PAPPA2: variants seen among roughly 807,000 people sequenced by gnomAD.
PAPPA2 encodes the protein pappalysin 2.
PAPPA2 carries 86 observed loss-of-function variants against 176.4 expected under a neutral mutation model. That is an observed-to-expected ratio of 0.49 (90% CI 0.41 to 0.58). The LOEUF is 0.58. PAPPA2 is among the 20% of genes least tolerant of loss of function. The pLI, the probability that PAPPA2 is intolerant of heterozygous loss-of-function variation, is 0.00. For synonymous variants in PAPPA2, 809 were observed against 852.2 expected (o/e 0.95, Z 0.88); for missense variants, 2,073 against 2,256.9 (o/e 0.92, Z 1.65).
chr1:176,525,831 A>T, intron 1 of PAPPA2, among the ~76,000 whole-genome samples: 1 of 152,172 alleles, frequency 6.6e-6, no homozygotes, highest in East Asian at 1.9e-4. Context: ...TTCCACTAAC[A>T]GTGTATTTCT....
chr1:176,789,066 G>A (rs1665062573), intron 17 of PAPPA2, among the ~76,000 whole-genome samples: 1 of 152,118 alleles, frequency 6.6e-6, no homozygotes, highest in African/African-American at 2.4e-5. Context: ...TTAGATGTGA[G>A]TCTTTTCCAA....
intron 3 of PAPPA2, among the ~76,000 whole-genome samples, chr1:176,667,519 A>G (rs1384391313): frequency 6.6e-6 from 1 of 152,100 alleles, no homozygotes; most frequent in Non-Finnish European, 1.5e-5. Flanking sequence ...CAACCTGGAG[A>G]ATGCTAGTTG....
At chr1:176,739,826 T>A in intron 13 of PAPPA2, 65 bp downstream of exon 13, 1 of 1,591,522 alleles carries the variant, frequency 6.3e-7, no homozygotes, top group Non-Finnish European at 8.6e-7. Flanking sequence ...GAAGTCAGCT[T>A]GATGTCTGTC....
At chr1:176,605,764 T>C (rs1388238563) in intron 3 of PAPPA2, among the ~76,000 whole-genome samples, 1 of 152,212 alleles carries the variant, frequency 6.6e-6, no homozygotes, top group African/African-American at 2.4e-5. Flanking sequence ...AAGAGCAGGA[T>C]AGCTGGAGGG....
intron 22 of PAPPA2, among the ~76,000 whole-genome samples, 163 bp from the exon 23 acceptor site, chr1:176,842,217 A>G (rs768487201): frequency 5.3e-5 from 8 of 152,204 alleles, no homozygotes; most frequent in Non-Finnish European, 1.5e-5. Context: ...CTACATGGTG[A>G]CATGATGTGT....
rs1236613939 is a variant in PAPPA2, at chr1:176,816,227, A to ATG, written c.5202+16109_5202+16110dup. Among the ~76,000 whole-genome samples the ATG allele has an allele frequency of 1.4e-3, 80 of 56,526 alleles. 1 individual carries two copies. Among genetic ancestry groups the ATG allele is most frequent in the African/African-American group, 4.9e-3 (51 of 10,506 alleles). 37.1% of individuals were successfully genotyped at this position (56,526 alleles called of 152,430 possible). A position where few individuals can be genotyped will look rare whatever the true frequency, so the allele number is the denominator to read the frequency against. On this transcript the variant is annotated intron_variant, in intron 21 of 22. Transcript: ENST00000367662. Reference sequence around the variant, plus strand: ...ACATACACACACATATATAAAATTTATGTGTGTGTGTGTGTATATATATAT... The same window carrying ATG: ...ACATACACACACATATATAAAATTTATGTGTGTGTGTGTGTGTATATATATAT...
At chr1:176,739,796 A>G in intron 13 of PAPPA2, 35 bp downstream of exon 13, 6 of 1,609,224 alleles carry the variant, frequency 3.7e-6, no homozygotes, top group Non-Finnish European at 5.1e-6. Flanking sequence ...GGGTCACTAG[A>G]GGACAACCCG....
chr1:176,740,116 A>G lies in PAPPA2; in HGVS notation c.4071A>G (p.Leu1357=). Reference sequence around the variant, plus strand: ...GGGTCGGCATCTCAGCTGTGGCTCTAAGGACATCCTCCCGCATTGGTCTTT... The same window carrying G: ...GGGTCGGCATCTCAGCTGTGGCTCTGAGGACATCCTCCCGCATTGGTCTTT... ...SPRVGISAVA[L]RTSSRIGLSA... is the part of the protein sequence containing the mutation. Residue 1357 remains leucine (L), a synonymous_variant, in exon 14 of 23, where the codon CTA becomes CTG. Coordinates refer to ENST00000367662, the MANE Select transcript of PAPPA2 (RefSeq NM_020318.3). 2 of 1,613,848 alleles carry G rather than the reference A, an allele frequency of 1.2e-6. No individual in the cohort carries two copies. Among genetic ancestry groups the G allele is most frequent in the South Asian group, 1.1e-5 (1 of 91,086 alleles).
intron 17 of PAPPA2, among the ~76,000 whole-genome samples, chr1:176,786,105 G>T (rs533017540): frequency 2.6e-4 from 40 of 152,232 alleles, no homozygotes; most frequent in African/African-American, 8.4e-4. Flanking sequence ...GTCCCCGGAG[G>T]ATATAAACTC....
intron 1 of PAPPA2, among the ~76,000 whole-genome samples, chr1:176,544,636 T>G (rs1391104842): frequency 6.6e-6 from 1 of 152,286 alleles, no homozygotes; most frequent in African/African-American, 2.4e-5. Flanking sequence ...TACAATTCAA[T>G]TCAATTCCCG....
At chr1:176,517,589 C>G (rs755868080) in intron 1 of PAPPA2, among the ~76,000 whole-genome samples, 18 of 152,140 alleles carry the variant, frequency 1.2e-4, no homozygotes, top group Non-Finnish European at 1.8e-4. Flanking sequence ...AAACCAAAGC[C>G]TGTGGCTAAT....
intron 12 of PAPPA2, among the ~76,000 whole-genome samples, chr1:176,714,587 G>A (rs1297332923): frequency 6.6e-6 from 1 of 152,174 alleles, no homozygotes; most frequent in Non-Finnish European, 1.5e-5. Context: ...ATCTGCGGAA[G>A]AAGCCATGAC....
chr1:176,772,161 A>G (rs1197047355), intron 17 of PAPPA2, among the ~76,000 whole-genome samples: 2 of 152,216 alleles, frequency 1.3e-5, no homozygotes, highest in East Asian at 3.9e-4. Flanking sequence ...TCAGGAAAAG[A>G]AACTTTTTCT....
chr1:176,842,042 G>A (rs1667507913), intron 22 of PAPPA2, among the ~76,000 whole-genome samples: 1 of 152,074 alleles, frequency 6.6e-6, no homozygotes. Flanking sequence ...AGATATGAGT[G>A]GTAATATTAG....
At chr1:176,685,169 A>C (rs1659779863) in intron 4 of PAPPA2, among the ~76,000 whole-genome samples, 2 of 152,124 alleles carry the variant, frequency 1.3e-5, no homozygotes, top group South Asian at 4.2e-4. Flanking sequence ...GACTGCACAT[A>C]GAATAATAAT....
At chr1:176,760,209 T>G (rs1455747000) in intron 14 of PAPPA2, among the ~76,000 whole-genome samples, 1 of 152,204 alleles carries the variant, frequency 6.6e-6, no homozygotes, top group Non-Finnish European at 1.5e-5. Context: ...ACACATGATT[T>G]AATTGTTTTT....
intron 12 of PAPPA2, among the ~76,000 whole-genome samples, chr1:176,734,024 TC>T (rs1027082249): frequency 3.9e-5 from 6 of 152,000 alleles, no homozygotes; most frequent in East Asian, 1.9e-4. Context: ...AGAGGTTTTT[TC>T]CCCCCTCTGA....
chr1:176,609,399 C>T (rs930026573), intron 3 of PAPPA2, among the ~76,000 whole-genome samples: 2 of 152,064 alleles, frequency 1.3e-5, no homozygotes, highest in Non-Finnish European at 2.9e-5. Flanking sequence ...AATGAATAAA[C>T]AAATGTGTAG....
chr1:176,523,214 G>GTA (rs1649299607), intron 1 of PAPPA2, among the ~76,000 whole-genome samples: 1 of 152,044 alleles, frequency 6.6e-6, no homozygotes, highest in South Asian at 2.1e-4. Context: ...CATGTCTGAG[G>GTA]TATAACTGCT....
Sources: gnomAD v4.1 joint callset for allele counts (sites outside exome capture counted in the v4.1 genomes callset) on GRCh38, gnomAD v4.1.1 for gene constraint, MANE v1.5 for transcripts, NCBI Gene and HGNC (gene_info 2026-07-23, HGNC 2026-07-21) for gene names.